Variants in POMZP3 observed in about 807,000 individuals in gnomAD.
The protein encoded by POMZP3 is POM121 and ZP3 fusion protein.
In POMZP3, 10 loss-of-function variants were observed where a neutral mutation model predicts 19.8. The observed-to-expected ratio is 0.51, with a 90% CI of 0.31 to 0.86. The LOEUF is 0.86. Among genes scored for constraint, POMZP3 ranks in the 40% least tolerant of loss-of-function variants. The pLI, the probability that POMZP3 is intolerant of heterozygous loss-of-function variation, is 0.04. For synonymous variants in POMZP3, 57 were observed against 85.8 expected, an observed-to-expected ratio of 0.66 and a Z score of 1.85; for missense variants, 152 against 228.1, an observed-to-expected ratio of 0.67 and a Z score of 2.15.
chr7:76,624,799 T>C (rs989666297), intron 3 of POMZP3, among the ~76,000 whole-genome samples: 1 of 151,696 alleles, frequency 6.6e-6, no homozygotes, highest in African/African-American at 2.4e-5. Flanking sequence ...CTAGTTTTCA[T>C]TTTTCTTTCC....
chr7:76,622,305 CGTGAGATCCAA>C (rs1215114441), intron 3 of POMZP3, among the ~76,000 whole-genome samples: 1 of 151,298 alleles, frequency 6.6e-6, no homozygotes, highest in Non-Finnish European at 1.5e-5. Context: ...TTCTTTCTTG[CGTGAGATCCAA>C]GAACCCTCAC....
At chr7:76,610,993 G>C (rs1312445741) in intron 6 of POMZP3, among the ~76,000 whole-genome samples, 1 of 140,190 alleles carries the variant, frequency 7.1e-6, no homozygotes. Flanking sequence ...TCCTGCCTCA[G>C]CCTCCCAAGT....
At chr7:76,618,586 A>G (rs988545174) in intron 3 of POMZP3, 1 of 421,030 alleles carries the variant, frequency 2.4e-6, no homozygotes, top group East Asian at 4.9e-5. Context: ...GCACCATTGC[A>G]CTAGCCTGGG....
chr7:76,615,808 A>G, intron 4 of POMZP3: 1 of 84,872 alleles, frequency 1.2e-5, no homozygotes, highest in Non-Finnish European at 2.3e-5. Context: ...AATACGGTGA[A>G]ACCATCTCTA....
intron 4 of POMZP3, among the ~76,000 whole-genome samples, chr7:76,612,957 T>C (rs149206065): frequency 0.038 from 2,089 of 54,472 alleles, 193 homozygotes; most frequent in African/African-American, 0.12. Context: ...TGCTGTTGCC[T>C]AGGCTGGAGT....
At chr7:76,625,930 C>A (rs1276313275) in intron 2 of POMZP3, 70 bp downstream of exon 2, 2 of 1,599,444 alleles carry the variant, frequency 1.3e-6, no homozygotes, top group Admixed American at 1.7e-5. Flanking sequence ...GTCATGTTGT[C>A]ATAGGAACAA....
chr7:76,618,925 C>G (rs1815396025), intron 3 of POMZP3, among the ~76,000 whole-genome samples: 2 of 152,040 alleles, frequency 1.3e-5, no homozygotes, highest in South Asian at 4.1e-4. Flanking sequence ...GTAGCTGGGA[C>G]TACAAGCGTG....
intron 1 of POMZP3, 165 bp from the exon 2 acceptor site, chr7:76,626,380 A>G (rs1429855490): frequency 2.4e-5 from 16 of 658,936 alleles, no homozygotes; most frequent in Non-Finnish European, 3.6e-5. Flanking sequence ...ATTCCATCTA[A>G]GAGCAGAGAG....
intron 3 of POMZP3, chr7:76,621,246 T>TAGCG (rs1407073914): frequency 6.6e-6 from 1 of 151,172 alleles, no homozygotes; most frequent in African/African-American, 2.4e-5. Context: ...GGAGGCCAAT[T>TAGCG]AGCGGACGCA....
intron 3 of POMZP3, among the ~76,000 whole-genome samples, chr7:76,621,887 C>G (rs1186508198): frequency 7.8e-6 from 1 of 128,056 alleles, no homozygotes; most frequent in Admixed American, 8.1e-5. Flanking sequence ...TTGCAGTGAG[C>G]CGAGATAGCG....
intron 3 of POMZP3, 122 bp from the exon 4 acceptor site, chr7:76,618,422 G>C (rs746945240): frequency 6.4e-6 from 6 of 943,388 alleles, no homozygotes; most frequent in Non-Finnish European, 1.0e-5. Flanking sequence ...AGGAGTTCGA[G>C]ACTAGCCTGG....
At chr7:76,619,260 C>T (rs1006346324) in intron 3 of POMZP3, among the ~76,000 whole-genome samples, 5 of 152,102 alleles carry the variant, frequency 3.3e-5, no homozygotes, top group East Asian at 1.9e-4. Context: ...TGGTGGCATG[C>T]GCCTGTAATC....
chr7:76,615,073 GCAT>G (rs1399221615), intron 4 of POMZP3, among the ~76,000 whole-genome samples: 1 of 121,534 alleles, frequency 8.2e-6, no homozygotes, highest in Non-Finnish European at 1.8e-5. Flanking sequence ...GTCTACTGAG[GCAT>G]CATCAATCCT....
At chr7:76,622,529 G>A (rs1321931305) in intron 3 of POMZP3, among the ~76,000 whole-genome samples, 16 of 149,666 alleles carry the variant, frequency 1.1e-4, no homozygotes, top group Non-Finnish European at 1.8e-4. Flanking sequence ...CAGGTATGCT[G>A]TAATTTTTGT....
rs1815961689 is a variant in POMZP3, at chr7:76,627,248, G to A, written c.-692C>T. ...TGCTCCAGCCGCCGCAGCCGCCGGA[G>A]ACATCGCGGCTCCGCGCCGCGGAGG... On this transcript the variant is annotated 5_prime_UTR_variant, in exon 1 of 7. Coordinates refer to ENST00000310842, the MANE Select transcript of POMZP3 (RefSeq NM_012230.5). 4 of 1,376,632 alleles carry A rather than the reference G, an allele frequency of 2.9e-6. No homozygotes were observed. Among genetic ancestry groups the A allele is most frequent in the East Asian group, 3.0e-5 (1 of 33,872 alleles). 85.3% of individuals were successfully genotyped at this position (1,376,632 alleles called of 1,614,324 possible). A position where few individuals can be genotyped will look rare whatever the true frequency, so the allele number is the denominator to read the frequency against.
intron 4 of POMZP3, among the ~76,000 whole-genome samples, chr7:76,617,263 G>A (rs1211825777): frequency 1.2e-5 from 1 of 83,768 alleles, no homozygotes; most frequent in Non-Finnish European, 2.3e-5. Flanking sequence ...ACCGCACCAG[G>A]CAATTTACTT....
At chr7:76,624,579 G>A (rs926877726) in intron 3 of POMZP3, among the ~76,000 whole-genome samples, 36 of 151,200 alleles carry the variant, frequency 2.4e-4, no homozygotes, top group African/African-American at 8.0e-4. Context: ...TGGAGTAGCT[G>A]GGACTACAGG....
chr7:76,623,701 G>A (rs1372098838), intron 3 of POMZP3, among the ~76,000 whole-genome samples: 1 of 150,476 alleles, frequency 6.6e-6, no homozygotes, highest in Non-Finnish European at 1.5e-5. Flanking sequence ...TCAGCAGGCT[G>A]AGGCAGGAGA....
intron 3 of POMZP3, among the ~76,000 whole-genome samples, chr7:76,620,880 T>C (rs2116870264): frequency 7.4e-6 from 1 of 134,700 alleles, no homozygotes; most frequent in Admixed American, 7.5e-5. Context: ...TTTTTTTTTT[T>C]TTTTTTGAGA....
Sources: gnomAD v4.1 joint callset for allele counts (sites outside exome capture counted in the v4.1 genomes callset) on GRCh38, gnomAD v4.1.1 for gene constraint, MANE v1.5 for transcripts, NCBI Gene and HGNC (gene_info 2026-07-23, HGNC 2026-07-21) for gene names.